The following PRKG1 variants were observed in gnomAD, a reference collection of about 807,000 sequenced individuals.
PRKG1 encodes the protein protein kinase cGMP-dependent 1.
In PRKG1, 35 loss-of-function variants were observed where a neutral mutation model predicts 88.1. The ratio of observed to expected loss-of-function variants is 0.40; its 90% CI spans 0.30 to 0.53. The LOEUF (loss-of-function observed/expected upper bound fraction) is 0.53, where lower values mean the gene tolerates loss of function less well. Ranked by LOEUF, PRKG1 falls within the 20% of genes least tolerant of loss-of-function variation. The pLI is 0.59. For synonymous variants in PRKG1, 303 were observed against 292.5 expected, an observed-to-expected ratio of 1.04 and a Z score of -0.37; for missense variants, 540 against 839.8, an observed-to-expected ratio of 0.64 and a Z score of 4.41.
At chr10:51,467,887 C>A (rs1169278246) in intron 3 of PRKG1, 51 bp downstream of exon 3, 4 of 1,410,786 alleles carry the variant, frequency 2.8e-6, no homozygotes, top group Admixed American at 3.5e-5. Context: ...TTTCCCTAGG[C>A]CTTTGAGATG....
At chr10:51,990,102 A>C (rs1844265156) in intron 5 of PRKG1, among the ~76,000 whole-genome samples, 1 of 152,092 alleles carries the variant, frequency 6.6e-6, no homozygotes, top group South Asian at 2.1e-4. Flanking sequence ...CTCACTGTAC[A>C]TTCTTGGCAC....
At chr10:51,810,184 A>G (rs750794328) in intron 4 of PRKG1, among the ~76,000 whole-genome samples, 3 of 152,228 alleles carry the variant, frequency 2.0e-5, no homozygotes, top group Non-Finnish European at 4.4e-5. Flanking sequence ...TTATATTTTC[A>G]ATACAAATAA....
At chr10:51,113,374 G>A (rs559071953) in intron 1 of PRKG1, among the ~76,000 whole-genome samples, 7 of 152,228 alleles carry the variant, frequency 4.6e-5, no homozygotes, top group Admixed American at 2.0e-4. Flanking sequence ...CATAAGGGTG[G>A]CAGTGTGTTA....
intron 2 of PRKG1, among the ~76,000 whole-genome samples, chr10:51,381,300 A>AAAAT (rs1837094532): frequency 7.4e-6 from 1 of 135,088 alleles, no homozygotes; most frequent in African/African-American, 2.7e-5. Context: ...AAAAAAAAAA[A>AAAAT]GGAAATGAAA....
intron 3 of PRKG1, among the ~76,000 whole-genome samples, chr10:51,703,258 A>C (rs1589217363): frequency 6.6e-6 from 1 of 152,298 alleles, no homozygotes; most frequent in East Asian, 1.9e-4. Flanking sequence ...ATAGAGTGTA[A>C]GGAAAAAAGA....
intron 2 of PRKG1, among the ~76,000 whole-genome samples, chr10:51,304,427 A>G (rs1840978447): frequency 6.6e-6 from 1 of 152,168 alleles, no homozygotes; most frequent in African/African-American, 2.4e-5. Context: ...TTAATCATAT[A>G]CTAGGGATTG....
At chr10:51,192,518 G>A (rs753045720) in intron 2 of PRKG1, among the ~76,000 whole-genome samples, 2 of 151,884 alleles carry the variant, frequency 1.3e-5, no homozygotes, top group Non-Finnish European at 2.9e-5. Flanking sequence ...ATATTCTTCA[G>A]ACTTATTTAA....
rs117989301 is a variant in PRKG1 at position 51,869,026 on chromosome 10, T to C, written c.699-38481T>C. Among the ~76,000 whole-genome samples the C allele has an allele frequency of 3.9e-5, 6 of 152,342 alleles. No individual in the cohort carries two copies. The East Asian group carries it at 9.6e-4, about 24-fold the overall frequency. On this transcript the variant is annotated intron_variant, in intron 4 of 17. Transcript: ENST00000373980. ...TTTATTGCTCTATTTGTATTTATAA[T>C]ATTTATTGGGTCTTTTTCTTTTACG... is the stretch of plus-strand genomic sequence containing the variant.
intron 3 of PRKG1, among the ~76,000 whole-genome samples, chr10:51,625,397 A>C (rs1839310687): frequency 6.6e-6 from 1 of 152,226 alleles, no homozygotes; most frequent in Non-Finnish European, 1.5e-5. Flanking sequence ...GAATCACTTG[A>C]ACCCGTGAGA....
chr10:51,557,866 G>T (rs1837353457), intron 3 of PRKG1, among the ~76,000 whole-genome samples: 1 of 152,014 alleles, frequency 6.6e-6, no homozygotes, highest in Non-Finnish European at 1.5e-5. Flanking sequence ...CCTGAATGAT[G>T]CTTTGGCACC....
intron 5 of PRKG1, among the ~76,000 whole-genome samples, chr10:51,996,222 G>A (rs565722212): frequency 1.4e-5 from 2 of 147,158 alleles, no homozygotes; most frequent in African/African-American, 2.5e-5. Context: ...GGCTTTGACA[G>A]GAGAATCGCT....
rs545620562 is a variant in PRKG1 at position 51,806,048 on chromosome 10, A to G, written c.698+1358A>G. Among the ~76,000 whole-genome samples, 6 of 152,236 alleles carry G rather than the reference A, an allele frequency of 3.9e-5. No individual in the cohort carries two copies. The East Asian group carries it at 1.2e-3, about 29-fold the overall frequency. ...TATGTGTTGATATATATGTGTCTAT[A>G]CGTATGTTGTGTGTATGTGTGTGTA... On this transcript the variant is annotated intron_variant, in intron 4 of 17. Transcript: ENST00000373980.
chr10:52,188,847 C>G (rs529864684), intron 9 of PRKG1, among the ~76,000 whole-genome samples: 1 of 152,152 alleles, frequency 6.6e-6, no homozygotes, highest in East Asian at 1.9e-4. Context: ...GTATTATCTC[C>G]ATATTCAAAG....
chr10:51,452,469 T>A (rs1280591936), intron 2 of PRKG1, among the ~76,000 whole-genome samples: 1 of 151,958 alleles, frequency 6.6e-6, no homozygotes, highest in Non-Finnish European at 1.5e-5. Flanking sequence ...TGTCCCTTTC[T>A]ATGCTGATTA....
chr10:51,491,242 A>G (rs1159229096), intron 3 of PRKG1, among the ~76,000 whole-genome samples: 2 of 152,106 alleles, frequency 1.3e-5, no homozygotes, highest in Admixed American at 6.6e-5. Context: ...AGAATTAGGA[A>G]GTATATAAAT....
chr10:52,272,344 A>G (rs370180148), intron 11 of PRKG1, 48 bp from the exon 12 acceptor site: 473 of 1,440,916 alleles, frequency 3.3e-4, no homozygotes, highest in Middle Eastern at 5.4e-4. Flanking sequence ...CACACTTGTA[A>G]AAGACAGTAA....
chr10:51,920,068 G>C (rs1842430243), intron 5 of PRKG1, among the ~76,000 whole-genome samples: 1 of 152,164 alleles, frequency 6.6e-6, no homozygotes. Flanking sequence ...AGGACAGGGA[G>C]CATGCCTTCT....
At chr10:51,877,658 A>G (rs1841332450) in intron 4 of PRKG1, among the ~76,000 whole-genome samples, 1 of 152,214 alleles carries the variant, frequency 6.6e-6, no homozygotes, top group Admixed American at 6.5e-5. Context: ...CCATAATAGC[A>G]TTTGCAACAG....
chr10:51,653,889 A>T (rs1176171527), intron 3 of PRKG1, among the ~76,000 whole-genome samples: 1 of 152,148 alleles, frequency 6.6e-6, no homozygotes, highest in Non-Finnish European at 1.5e-5. Flanking sequence ...TTTTAAAATC[A>T]GATTATTTGT....
Sources: gnomAD v4.1 joint callset for allele counts (sites outside exome capture counted in the v4.1 genomes callset) on GRCh38, gnomAD v4.1.1 for gene constraint, MANE v1.5 for transcripts, NCBI Gene and HGNC (gene_info 2026-07-23, HGNC 2026-07-21) for gene names.